The following RAD52 variants were observed in gnomAD, a reference collection of about 807,000 sequenced individuals.
RAD52 encodes DNA repair protein RAD52 homolog.
RAD52 carries 47 observed loss-of-function variants against 55.5 expected under a neutral mutation model. The observed-to-expected ratio is 0.85, with a 90% CI of 0.67 to 1.08. RAD52 has a LOEUF of 1.08. RAD52 is among the 50% of genes least tolerant of loss of function. RAD52 has a pLI of 0.00. For synonymous variants in RAD52, 184 were observed against 198.9 expected (o/e 0.92, Z 0.63); for missense variants, 468 against 522.8 (o/e 0.90, Z 1.02).
At chr12:961,103 AGGTCAGGAGTGACCAGCCTGGCCAATAT>A (rs1266387231) in intron 1 of RAD52, among the ~76,000 whole-genome samples, 1 of 151,288 alleles carries the variant, frequency 6.6e-6, no homozygotes, top group Non-Finnish European at 1.5e-5. Flanking sequence ...CGATCACCTG[AGGTCAGGAGTGACCAGCCTGGCCAATAT>A]GGTGAAACCC....
intron 1 of RAD52, among the ~76,000 whole-genome samples, chr12:956,087 A>G (rs1958601804): frequency 6.6e-6 from 1 of 151,610 alleles, no homozygotes; most frequent in African/African-American, 2.4e-5. Flanking sequence ...CCCTTCCTAT[A>G]CTCCCTTGAA....
chr12:947,181 C>T (rs1483174069), intron 1 of RAD52, among the ~76,000 whole-genome samples: 1 of 151,452 alleles, frequency 6.6e-6, no homozygotes, highest in Non-Finnish European at 1.5e-5. Context: ...ACAAAATTAG[C>T]CGGGTGTGGT....
intron 1 of RAD52, among the ~76,000 whole-genome samples, chr12:963,959 G>A (rs1958722153): frequency 6.6e-6 from 1 of 152,174 alleles, no homozygotes; most frequent in South Asian, 2.1e-4. Context: ...AATGAAATGA[G>A]TGAGAAGGGC....
intron 1 of RAD52, among the ~76,000 whole-genome samples, chr12:946,594 A>G (rs773033613): frequency 2.0e-5 from 3 of 152,256 alleles, no homozygotes; most frequent in Non-Finnish European, 4.4e-5. Context: ...AAGATATATC[A>G]CAGCCTTCAA....
At chr12:923,685 C>T (rs1956860378) in intron 7 of RAD52, among the ~76,000 whole-genome samples, 1 of 151,986 alleles carries the variant, frequency 6.6e-6, no homozygotes. Flanking sequence ...AGATCAATTT[C>T]ACAACAATGG....
At chr12:965,885 C>T (rs760134073) in intron 1 of RAD52, among the ~76,000 whole-genome samples, 3 of 151,988 alleles carry the variant, frequency 2.0e-5, no homozygotes, top group Non-Finnish European at 4.4e-5. Context: ...CAGGGTTTCG[C>T]CTGTTGGCCA....
At chr12:981,326 C>T (rs975972002) in intron 1 of RAD52, among the ~76,000 whole-genome samples, 1 of 151,014 alleles carries the variant, frequency 6.6e-6, no homozygotes, top group Non-Finnish European at 1.5e-5. Flanking sequence ...GAGTGCAACC[C>T]TATCTCAAAA....
chr12:979,446 G>GA (rs933172038), intron 1 of RAD52, among the ~76,000 whole-genome samples: 10 of 144,350 alleles, frequency 6.9e-5, no homozygotes, highest in Admixed American at 1.4e-4. Context: ...CTCACGAAAA[G>GA]AAAAAAAAAA....
rs60090525 is a variant in RAD52, at chr12:912,722, C to CA, written c.*668dup. ...AGGGCAACACAGCCAGACCCCGTCT[C>CA]AAAAAAAAAAAAAAAAAAAAAAACA... On this transcript the variant is annotated 3_prime_UTR_variant, in exon 12 of 12. Transcript: ENST00000358495. 3.1e-3 allele frequency: 224 copies of CA among 73,110 alleles called. No homozygotes were observed. Among genetic ancestry groups the CA allele is most frequent in the Middle Eastern group, 8.9e-3 (1 of 112 alleles). The allele number at this position is 73,110 out of a possible 1,614,324, so 4.5% of individuals were successfully genotyped here.
intron 1 of RAD52, among the ~76,000 whole-genome samples, chr12:978,646 A>C (rs1273248772): frequency 6.6e-6 from 1 of 152,032 alleles, no homozygotes; most frequent in Non-Finnish European, 1.5e-5. Flanking sequence ...ACTAAAATAC[A>C]AAAGAAATTA....
At chr12:987,301 C>CT (rs1959098990) in intron 1 of RAD52, among the ~76,000 whole-genome samples, 2 of 151,970 alleles carry the variant, frequency 1.3e-5, no homozygotes, top group African/African-American at 4.8e-5. Context: ...TTATGGGCTC[C>CT]TTTTTTTCCT....
At chr12:924,705 A>G (rs1034678319) in intron 7 of RAD52, among the ~76,000 whole-genome samples, 11 of 152,198 alleles carry the variant, frequency 7.2e-5, no homozygotes, top group African/African-American at 2.7e-4. Context: ...AGATCACGTT[A>G]TAGGTATTGA....
intron 1 of RAD52, among the ~76,000 whole-genome samples, chr12:971,795 T>A: frequency 6.6e-6 from 1 of 152,070 alleles, no homozygotes; most frequent in Non-Finnish European, 1.5e-5. Context: ...TCGCCCAGGC[T>A]GGAGTGCAGT....
intron 1 of RAD52, among the ~76,000 whole-genome samples, chr12:985,996 G>A: frequency 7.2e-6 from 1 of 139,314 alleles, no homozygotes; most frequent in Admixed American, 7.4e-5. Context: ...GTGCAATGGC[G>A]CAATCTCAGC....
At chr12:938,628 AG>A (rs901839149) in intron 1 of RAD52, among the ~76,000 whole-genome samples, 1 of 152,214 alleles carries the variant, frequency 6.6e-6, no homozygotes, top group Non-Finnish European at 1.5e-5. Flanking sequence ...AGGTTGCATG[AG>A]CCAAGATCAT....
intron 1 of RAD52, among the ~76,000 whole-genome samples, chr12:955,772 ATTTTTGTTT>A (rs1415796361): frequency 6.7e-6 from 1 of 148,418 alleles, no homozygotes; most frequent in Non-Finnish European, 1.5e-5. Context: ...GCACCTGGGC[ATTTTTGTTT>A]TTTTTGTTTT....
chr12:916,196 C>T, intron 9 of RAD52, 148 bp downstream of exon 9: 1 of 1,417,274 alleles, frequency 7.1e-7, no homozygotes, highest in Non-Finnish European at 9.2e-7. Context: ...ATTTCCTGGG[C>T]TCATCTCTCC....
At chr12:919,981 G>A (rs1956628236) in intron 7 of RAD52, among the ~76,000 whole-genome samples, 1 of 114,446 alleles carries the variant, frequency 8.7e-6, no homozygotes, top group Admixed American at 8.4e-5. Flanking sequence ...GAACCTGGGA[G>A]GCAGAGATGG....
chr12:946,415 G>A (rs563429954), intron 1 of RAD52, among the ~76,000 whole-genome samples: 1 of 152,214 alleles, frequency 6.6e-6, no homozygotes, highest in East Asian at 1.9e-4. Flanking sequence ...CTGCTCCCAG[G>A]GGAAATACAG....
Sources: gnomAD v4.1 joint callset for allele counts (sites outside exome capture counted in the v4.1 genomes callset) on GRCh38, gnomAD v4.1.1 for gene constraint, MANE v1.5 for transcripts, NCBI Gene and HGNC (gene_info 2026-07-23, HGNC 2026-07-21) for gene names.